LRRC51: variants seen among roughly 807,000 people sequenced by gnomAD.
LRRC51 encodes the protein leucine-rich repeat-containing protein 51.
LRRC51 carries 8 observed loss-of-function variants against 17.8 expected under a neutral mutation model. That is an observed-to-expected ratio of 0.45 (90% CI 0.26 to 0.81). The LOEUF (loss-of-function observed/expected upper bound fraction) is 0.81, where lower values mean the gene tolerates loss of function less well. Ranked by LOEUF, LRRC51 falls within the 30% of genes least tolerant of loss-of-function variation. LRRC51 has a pLI of 0.17. For synonymous variants in LRRC51, 92 were observed against 96.0 expected (o/e 0.96, Z 0.24); for missense variants, 233 against 239.3 (o/e 0.97, Z 0.17).
intron 3 of LRRC51, among the ~76,000 whole-genome samples, chr11:72,090,792 A>T (rs1039521314): frequency 6.6e-6 from 1 of 152,174 alleles, no homozygotes; most frequent in African/African-American, 2.4e-5. Flanking sequence ...GTCCCCCACC[A>T]TATACACCTA....
intron 1 of LRRC51, among the ~76,000 whole-genome samples, chr11:72,084,182 A>G (rs1000524275): frequency 1.3e-5 from 2 of 152,058 alleles, no homozygotes; most frequent in Admixed American, 6.6e-5. Flanking sequence ...CAGATTTTTC[A>G]TAGCAGCCTT....
In LRRC51 at chr11:72,093,575, G is replaced by A. The variant is rs549838242; in HGVS notation, c.162G>A (p.Leu54=). 1 of 1,614,230 alleles carries A rather than the reference G, an allele frequency of 6.2e-7. No individual in the cohort carries two copies. Among genetic ancestry groups the A allele is most frequent in the Admixed American group, 1.7e-5 (1 of 60,030 alleles). The part of the protein sequence containing the change: ...SKSGKSLTQS[L]WLNNNVLNDL... ...CGGGGAAATCACTGACCCAGTCCCT[G>A]TGGCTGAATAACAATGTTCTCAATG... Residue 54 remains leucine, a synonymous_variant, in exon 4 of 6, where the codon CTG becomes CTA. Transcript: ENST00000289488.
At chr11:72,089,277 G>C in intron 3 of LRRC51, 112 bp downstream of exon 3, 1 of 1,557,830 alleles carries the variant, frequency 6.4e-7, no homozygotes. Flanking sequence ...CCATATGCTT[G>C]CAGATGTGTT....
Position 72,094,727 on chromosome 11 carries a change from C to T in LRRC51, c.289-221C>T, listed in dbSNP as rs1298336591. 75 of 891,522 alleles carry T rather than the reference C, an allele frequency of 8.4e-5. No individual in the cohort carries two copies. The Admixed American group carries it at 1.5e-3, about 18-fold the overall frequency. 55.2% of individuals were successfully genotyped at this position (891,522 alleles called of 1,614,324 possible). ...GTGGCAGTGCTGGTACCCAGGCCCA[C>T]ACTCCTGACCCTCAGATCACAGCTC... On this transcript the variant is annotated intron_variant, in intron 4 of 5. Coordinates refer to ENST00000289488, the MANE Select transcript of LRRC51 (RefSeq NM_145309.6).
At chr11:72,090,510 G>C (rs1427258496) in intron 3 of LRRC51, among the ~76,000 whole-genome samples, 1 of 152,110 alleles carries the variant, frequency 6.6e-6, no homozygotes, top group Admixed American at 6.5e-5. Context: ...TGCGTCATAT[G>C]TATATGCCAG....
chr11:72,094,012 C>T (rs1217642328), intron 4 of LRRC51, among the ~76,000 whole-genome samples: 1 of 152,198 alleles, frequency 6.6e-6, no homozygotes, highest in African/African-American at 2.4e-5. Flanking sequence ...CCACCGGGCA[C>T]AGCGGCTCAC....
At chr11:72,083,541 C>A (rs899151469) in intron 1 of LRRC51, among the ~76,000 whole-genome samples, 8 of 152,076 alleles carry the variant, frequency 5.3e-5, no homozygotes, top group Admixed American at 4.6e-4. Flanking sequence ...TAAGCACCTA[C>A]TACTTGCCGG....
At chr11:72,093,851 G>A (rs781090346) in intron 4 of LRRC51, 150 bp downstream of exon 4, 25 of 795,118 alleles carry the variant, frequency 3.1e-5, no homozygotes, top group Non-Finnish European at 5.1e-5. Flanking sequence ...ACAGATAGAT[G>A]TAGGTTCAAA....
chr11:72,092,582 A>G (rs1944922173), intron 3 of LRRC51, among the ~76,000 whole-genome samples: 1 of 152,232 alleles, frequency 6.6e-6, no homozygotes, highest in African/African-American at 2.4e-5. Flanking sequence ...TTCCCATTAC[A>G]CACAGGGTAA....
intron 5 of LRRC51, 130 bp downstream of exon 5, chr11:72,095,226 C>A: frequency 6.4e-7 from 1 of 1,562,598 alleles, no homozygotes; most frequent in Admixed American, 1.9e-5. Context: ...GACCTCTAAG[C>A]ATTCCTTGCT....
At position 72,093,554 on chromosome 11, in the gene LRRC51, G is replaced by C; in HGVS notation, c.141G>C (p.Gly47=). 1 of 1,614,188 alleles carries C rather than the reference G, an allele frequency of 6.2e-7. No homozygotes were observed. The highest frequency in any genetic ancestry group is 1.7e-4 in the Middle Eastern group (1 of 6,048). ...GLRPLKRSKS[G]KSLTQSLWLN... The stretch of plus-strand genomic sequence containing the variant: ...GACCACTGAAGCGTTCAAAGTCGGG[G>C]AAATCACTGACCCAGTCCCTGTGGC... The change falls in exon 4 of 6, where the codon GGG becomes GGC. Residue 47 remains glycine (G), a synonymous_variant. Transcript: ENST00000289488.
chr11:72,080,926 A>C (rs936110540), intron 1 of LRRC51, 41 bp downstream of exon 1: 20 of 152,516 alleles, frequency 1.3e-4, no homozygotes, highest in African/African-American at 4.8e-4. Flanking sequence ...TCTAGGGGAC[A>C]AGAGATCTAT....
chr11:72,084,012 C>G (rs1247296409), intron 1 of LRRC51, among the ~76,000 whole-genome samples: 5 of 152,260 alleles, frequency 3.3e-5, no homozygotes, highest in Admixed American at 1.3e-4. Flanking sequence ...TCTTCTTTTT[C>G]TTTTGACAGG....
intron 1 of LRRC51, chr11:72,083,766 G>GA (rs756987866): frequency 1.3e-5 from 2 of 152,148 alleles, no homozygotes; most frequent in Non-Finnish European, 2.9e-5. Context: ...AAGGAGGAGA[G>GA]AAAAACTATA....
chr11:72,087,760 TTTAATA>T (rs1944623941), intron 1 of LRRC51, among the ~76,000 whole-genome samples: 1 of 152,346 alleles, frequency 6.6e-6, no homozygotes, highest in East Asian at 1.9e-4. Flanking sequence ...CTCAGTAAGT[TTTAATA>T]TTGATTACAT....
chr11:72,089,055 G>A lies in LRRC51; in HGVS notation c.-29G>A, dbSNP rs542631742. 7 of 1,612,836 alleles carry A rather than the reference G, an allele frequency of 4.3e-6. No homozygotes were observed. The Admixed American group carries it at 6.7e-5, about 15-fold the overall frequency. On this transcript the variant is annotated 5_prime_UTR_variant, in exon 3 of 6. Transcript: ENST00000289488. ...CTGAACCCAGACTCCCAGGGCACCTGCTTGCACCTTTGAATGATGGCCTGA... is the reference window on the plus strand; with the variant it reads ...CTGAACCCAGACTCCCAGGGCACCTACTTGCACCTTTGAATGATGGCCTGA...
chr11:72,087,287 C>CTTTTTTTT (rs58257513), intron 1 of LRRC51, among the ~76,000 whole-genome samples: 11 of 107,326 alleles, frequency 1.0e-4, no homozygotes, highest in African/African-American at 3.9e-4. Flanking sequence ...AACAGAAATT[C>CTTTTTTTT]TTTTTTTTTT....
chr11:72,092,633 G>T (rs1174597713), intron 3 of LRRC51, among the ~76,000 whole-genome samples: 1 of 152,242 alleles, frequency 6.6e-6, no homozygotes, highest in Non-Finnish European at 1.5e-5. Flanking sequence ...CTTTTGACTG[G>T]ATTCCTGCCT....
At chr11:72,094,633 G>C in intron 4 of LRRC51, 1 of 689,142 alleles carries the variant, frequency 1.5e-6, no homozygotes, top group South Asian at 1.5e-5. Flanking sequence ...TGCTGTGATA[G>C]AATCGTAGAT....
Sources: gnomAD v4.1 joint callset for allele counts (sites outside exome capture counted in the v4.1 genomes callset) on GRCh38, gnomAD v4.1.1 for gene constraint, MANE v1.5 for transcripts, NCBI Gene and HGNC (gene_info 2026-07-23, HGNC 2026-07-21) for gene names.